MCF2L: variants seen among roughly 807,000 people sequenced by gnomAD.
MCF2L encodes guanine nucleotide exchange factor DBS.
A neutral mutation model predicts 153.4 loss-of-function variants in MCF2L; 97 were observed. The observed-to-expected ratio is 0.63, with a 90% CI of 0.54 to 0.75. The LOEUF (loss-of-function observed/expected upper bound fraction) is 0.75, where lower values mean the gene tolerates loss of function less well. Ranked by LOEUF, MCF2L falls within the 30% of genes least tolerant of loss-of-function variation. The probability of loss-of-function intolerance (pLI) is 0.00; values close to 1 mark genes in which losing one functional copy is unlikely to be tolerated. For missense variants in MCF2L, 1,347 were observed against 1,495.2 expected (o/e 0.90, Z 1.64); for synonymous variants, 659 against 632.2 (o/e 1.04, Z -0.64).
At chr13:113,037,982 T>TG (rs1226261213) in intron 3 of MCF2L, among the ~76,000 whole-genome samples, 2 of 152,196 alleles carry the variant, frequency 1.3e-5, no homozygotes, top group Non-Finnish European at 2.9e-5. Context: ...GCAAGATCAA[T>TG]GGGCAGGGGT....
At chr13:112,910,363 A>G (rs972557182) in intron 2 of MCF2L, 2 of 152,256 alleles carry the variant, frequency 1.3e-5, no homozygotes, top group African/African-American at 4.8e-5. Flanking sequence ...TGTCACAAAC[A>G]TTCATGAACA....
At chr13:112,894,969 G>T (rs1005376022) in intron 1 of MCF2L, among the ~76,000 whole-genome samples, 32 of 149,190 alleles carry the variant, frequency 2.1e-4, no homozygotes, top group Admixed American at 1.0e-3. Context: ...GGGTAGCCTG[G>T]GGTCGGGCCC....
rs753146067 is a variant in MCF2L at position 113,064,951 on chromosome 13, G to A, written c.622G>A (p.Ala208Thr). 1.2e-5 allele frequency: 19 copies of A among 1,612,728 alleles called. No homozygotes were observed. Among genetic ancestry groups the A allele is most frequent in the African/African-American group, 5.3e-5 (4 of 74,896 alleles). The change falls in exon 7 of 30, where the codon GCC becomes ACC. Residue 208 changes from alanine to threonine, a missense_variant. Physicochemically the swap from Ala to Thr is moderately conservative, Grantham distance 58. Coordinates refer to ENST00000535094, the MANE Select transcript of MCF2L (RefSeq NM_001112732.3). The surrounding 1 kb of genome is among the most constrained non-coding windows in gnomAD (Gnocchi z 6.0). ...LCQRTAIESF[A>T]LMVKQTAQML... ...TGTCCCCAAGGCCATCGAAAGTTTC[G>A]CCCTCATGGTGAAGCAGACGGCTCA...
At chr13:113,095,435 A>G in intron 27 of MCF2L, 1 of 1,085,734 alleles carries the variant, frequency 9.2e-7, no homozygotes, top group Non-Finnish European at 1.1e-6. Flanking sequence ...GCCACGTGGC[A>G]GGAGGGGAAA....
In MCF2L at chr13:113,045,694, G is replaced by C; in HGVS notation, c.369+333G>C. The C allele has an allele frequency of 6.0e-6, 2 of 333,836 alleles. No individual in the cohort carries two copies. The highest frequency in any genetic ancestry group is 2.1e-5 in the African/African-American group (1 of 48,772). 20.7% of individuals were successfully genotyped at this position (333,836 alleles called of 1,614,324 possible). On this transcript the variant is annotated intron_variant, in intron 4 of 29. Transcript: ENST00000535094. The surrounding 1 kb of genome is among the most constrained non-coding windows in gnomAD (Gnocchi z 4.2). The stretch of plus-strand genomic sequence containing the variant: ...GCCTCTTACATATTTATACATTAGT[G>C]ATTTTCTCCTTTCCAAATCGGGCCA...
upstream of MCF2L, chr13:112,968,818 C>G: frequency 7.6e-7 from 1 of 1,314,694 alleles, no homozygotes; most frequent in Non-Finnish European, 9.8e-7. Context: ...GCGTGGAGAC[C>G]CGGAACCGGG....
rs371771546 is a variant in MCF2L at position 113,017,157 on chromosome 13, A to G, written c.163+2311A>G. Among the ~76,000 whole-genome samples, 255 of 152,134 alleles carry G rather than the reference A, an allele frequency of 1.7e-3. 1 individual carries two copies. Among genetic ancestry groups the G allele is most frequent in the African/African-American group, 5.5e-3 (229 of 41,508 alleles). On this transcript the variant is annotated intron_variant, in intron 2 of 29. Transcript: ENST00000535094. ...CCAATCGCCCCGTCCCCTCCTCACC[A>G]CGTCCAGCACTGCTGTGTCCTGAGG... is the stretch of plus-strand genomic sequence containing the variant.
intron 1 of MCF2L, among the ~76,000 whole-genome samples, chr13:113,000,580 G>A (rs959074350): frequency 9.9e-5 from 15 of 152,242 alleles, no homozygotes; most frequent in African/African-American, 3.6e-4. Context: ...CATGGCTGAT[G>A]TTCCCAGAGG....
At chr13:112,897,812 T>C (rs1211890944) in intron 1 of MCF2L, among the ~76,000 whole-genome samples, 2 of 152,156 alleles carry the variant, frequency 1.3e-5, no homozygotes, top group African/African-American at 2.4e-5. Context: ...GGCAGAGACA[T>C]GGCAGGTGGA....
chr13:113,077,489 G>T (rs897452376), intron 13 of MCF2L, among the ~76,000 whole-genome samples: 7 of 152,194 alleles, frequency 4.6e-5, no homozygotes, highest in Non-Finnish European at 5.9e-5. Context: ...AGGCTGGCAG[G>T]GTTCAGTGGT....
intron 2 of MCF2L, among the ~76,000 whole-genome samples, chr13:113,020,128 G>A (rs2141244605): frequency 6.6e-6 from 1 of 152,322 alleles, no homozygotes; most frequent in Admixed American, 6.5e-5. Context: ...CACACTGGCA[G>A]GAGGAGGTTT....
intron 4 of MCF2L, among the ~76,000 whole-genome samples, chr13:113,059,083 A>G (rs1176082114): frequency 5.3e-5 from 8 of 151,830 alleles, no homozygotes; most frequent in African/African-American, 1.9e-4. Flanking sequence ...AACTGTGGAA[A>G]AGGCATTGTA....
At chr13:113,066,935 T>G (rs2032464211) in intron 8 of MCF2L, among the ~76,000 whole-genome samples, 1 of 152,248 alleles carries the variant, frequency 6.6e-6, no homozygotes, top group Non-Finnish European at 1.5e-5. Context: ...GCCCACACCC[T>G]GAGCTGCCTT....
chr13:112,981,835 C>A (rs1251113837), intron 1 of MCF2L, among the ~76,000 whole-genome samples: 1 of 152,252 alleles, frequency 6.6e-6, no homozygotes, highest in Non-Finnish European at 1.5e-5. Context: ...GGGGACTGAG[C>A]CTTGTCCGGC....
chr13:112,927,721 G>A (rs2081422173), intron 2 of MCF2L, among the ~76,000 whole-genome samples: 1 of 152,180 alleles, frequency 6.6e-6, no homozygotes, highest in African/African-American at 2.4e-5. Context: ...GCACCTAGAT[G>A]TAACTGTCAA....
chr13:112,938,159 CGCTG>C (rs1594355393), intron 2 of MCF2L, among the ~76,000 whole-genome samples: 1 of 132,832 alleles, frequency 7.5e-6, no homozygotes. Flanking sequence ...TTCAGGTGAG[CGCTG>C]AGGGGTTGGT....
At chr13:113,012,361 T>C (rs2084203029) in intron 1 of MCF2L, among the ~76,000 whole-genome samples, 2 of 94,640 alleles carry the variant, frequency 2.1e-5, no homozygotes, top group Admixed American at 1.0e-4. Flanking sequence ...GTGGACACTG[T>C]GATGCGGACG....
At chr13:112,918,638 G>C (rs1045102230) in intron 2 of MCF2L, among the ~76,000 whole-genome samples, 2 of 152,230 alleles carry the variant, frequency 1.3e-5, no homozygotes, top group Non-Finnish European at 2.9e-5. Flanking sequence ...GTGATGAACA[G>C]GGGCAGAGCT....
At chr13:112,928,866 G>C (rs544161905) in intron 2 of MCF2L, among the ~76,000 whole-genome samples, 1 of 152,232 alleles carries the variant, frequency 6.6e-6, no homozygotes, top group South Asian at 2.1e-4. Context: ...GCCTTTTCTG[G>C]CCACATACAT....
Sources: gnomAD v4.1 joint callset for allele counts (sites outside exome capture counted in the v4.1 genomes callset) on GRCh38, gnomAD v4.1.1 for gene constraint, Gnocchi (gnomAD v3.1) non-coding constraint, MANE v1.5 for transcripts, NCBI Gene and HGNC (gene_info 2026-07-23, HGNC 2026-07-21) for gene names.